The following ZNF582 variants were observed in gnomAD, a reference collection of about 807,000 sequenced individuals.
ZNF582 encodes zinc finger protein 582.
ZNF582 carries 14 observed loss-of-function variants against 12.3 expected under a neutral mutation model. The ratio of observed to expected loss-of-function variants is 1.14; its 90% CI spans 0.75 to 1.78. The LOEUF (loss-of-function observed/expected upper bound fraction) is 1.78. ZNF582 is among the 40% of genes most tolerant of loss of function. The pLI is 0.00. For synonymous variants in ZNF582, 210 were observed against 207.2 expected (o/e 1.01, Z -0.11); for missense variants, 567 against 616.5 (o/e 0.92, Z 0.85).
intron 3 of ZNF582, 84 bp downstream of exon 3, chr19:56,390,291 A>G (rs2042004295): frequency 1.3e-6 from 2 of 1,595,694 alleles, no homozygotes; most frequent in African/African-American, 1.3e-5. Flanking sequence ...CCAACCAATC[A>G]TAAGACTGAA....
At chr19:56,391,500 T>C (rs953547306) in intron 2 of ZNF582, among the ~76,000 whole-genome samples, 1 of 152,192 alleles carries the variant, frequency 6.6e-6, no homozygotes, top group African/African-American at 2.4e-5. Flanking sequence ...AAGGATGCTC[T>C]CATTTCATAC....
In ZNF582 at chr19:56,383,878, T is replaced by G. The variant is rs759238498; in HGVS notation, c.1539A>C (p.Glu513Asp). 1 of 1,578,130 alleles carries G rather than the reference T, an allele frequency of 6.3e-7. No homozygotes were observed. The highest frequency in any genetic ancestry group is 1.8e-5 in the Admixed American group (1 of 54,432). The change falls in exon 5 of 5, where the codon GAA (glutamate) becomes GAC (aspartate). Residue 513 changes from glutamate (E) to aspartate (D), a missense_variant. By Grantham distance (45) the Glu-to-Asp change is conservative. Transcript: ENST00000586929. ...CACAATTAGCCTAGGCTAATGGGCT[T>G]TCCCCATTACTTCCATTCATATGGT... is the stretch of plus-strand genomic sequence containing the variant.
At chr19:56,389,464 G>A (rs943242662) in intron 4 of ZNF582, among the ~76,000 whole-genome samples, 14 of 152,250 alleles carry the variant, frequency 9.2e-5, no homozygotes, top group Admixed American at 3.9e-4. Context: ...TTATAAGTGG[G>A]AGCTAAATGA....
exon 5 of ZNF582, chr19:56,383,984 T>A: frequency 6.2e-7 from 1 of 1,613,994 alleles, no homozygotes; most frequent in Admixed American, 1.7e-5. Context: ...TATATTCACA[T>A]GTGTTTCTCT....
At chr19:56,389,958 A>T in intron 4 of ZNF582, 43 bp downstream of exon 4, 1 of 1,535,212 alleles carries the variant, frequency 6.5e-7, no homozygotes, top group Non-Finnish European at 9.0e-7. Flanking sequence ...AGCGGACCTG[A>T]TACCTGCAGT....
chr19:56,391,759 T>C (rs2042015613), exon 2 of ZNF582: 1 of 1,614,156 alleles, frequency 6.2e-7, no homozygotes, highest in Non-Finnish European at 8.5e-7. Flanking sequence ...ACATGACTTT[T>C]AGAATTTCAA....
exon 5 of ZNF582, chr19:56,382,838 G>C (rs1445020010): frequency 6.6e-6 from 1 of 152,154 alleles, no homozygotes; most frequent in Non-Finnish European, 1.5e-5. Flanking sequence ...AGTCTTCTCA[G>C]GCTCTGGGTC....
chr19:56,384,060 AT>A lies in ZNF582; in HGVS notation c.1356del (p.Glu452AspfsTer9). On this transcript the variant is annotated frameshift_variant, in exon 5 of 5. Coordinates refer to ENST00000586929, the Ensembl canonical transcript of ZNF582. LOFTEE classifies it low-confidence loss of function (END_TRUNC). ...CTCAAGGTCTTCTCACATTCCTTAT[AT>A]TCATAGGGCTTTTTCTCAGTGTGAA... 1 of 1,611,560 alleles carries A rather than the reference AT, an allele frequency of 6.2e-7. No individual in the cohort carries two copies.
At chr19:56,383,852 T>A in exon 5 of ZNF582, 1 of 1,529,740 alleles carries the variant, frequency 6.5e-7, no homozygotes, top group African/African-American at 1.4e-5. Flanking sequence ...TAAGTCACAG[T>A]CACAATTAGC....
At chr19:56,387,745 G>A (rs1349158336) in intron 4 of ZNF582, 1 of 152,184 alleles carries the variant, frequency 6.6e-6, no homozygotes, top group Non-Finnish European at 1.5e-5. Flanking sequence ...CTACAGGCAT[G>A]AGTTATTACG....
intron 4 of ZNF582, chr19:56,387,497 AAC>A (rs1193344341): frequency 1.3e-5 from 2 of 152,238 alleles, no homozygotes; most frequent in East Asian, 1.9e-4. Context: ...TGGAGACAAA[AAC>A]ACAATCTGCA....
exon 1 of ZNF582, chr19:56,393,354 G>A (rs1261254926): frequency 9.1e-6 from 9 of 990,114 alleles, no homozygotes; most frequent in African/African-American, 1.7e-5. Context: ...CGAGACGTCT[G>A]CGTTCTTCTC....
At chr19:56,385,923 A>G (rs538055309) in intron 4 of ZNF582, among the ~76,000 whole-genome samples, 20 of 152,282 alleles carry the variant, frequency 1.3e-4, no homozygotes, top group African/African-American at 4.8e-4. Context: ...TTAATAGCAC[A>G]TTTTAAAAAT....
At chr19:56,391,972 C>G in intron 1 of ZNF582, 140 bp from the exon 2 acceptor site, 1 of 658,374 alleles carries the variant, frequency 1.5e-6, no homozygotes, top group African/African-American at 1.8e-5. Context: ...CCTCACCCAA[C>G]CCCAGGAAAC....
exon 1 of ZNF582, chr19:56,393,450 T>G: frequency 1.9e-6 from 1 of 527,576 alleles, no homozygotes; most frequent in Non-Finnish European, 3.7e-6. Flanking sequence ...ACCTGCCGCC[T>G]CCTCGGGTCC....
chr19:56,390,584 A>T (rs1182346300), intron 2 of ZNF582, 83 bp from the exon 3 acceptor site: 10 of 1,461,834 alleles, frequency 6.8e-6, no homozygotes, highest in Admixed American at 1.8e-5. Flanking sequence ...TCTTTGCGGG[A>T]GGGGGGGTTG....
At chr19:56,390,540 T>C in intron 2 of ZNF582, 39 bp from the exon 3 acceptor site, 1 of 1,609,516 alleles carries the variant, frequency 6.2e-7, no homozygotes, top group South Asian at 1.1e-5. Flanking sequence ...TGTATTTCAA[T>C]GGTTCACAGT....
intron 4 of ZNF582, among the ~76,000 whole-genome samples, chr19:56,388,976 T>C (rs577903720): frequency 3.9e-5 from 6 of 152,156 alleles, no homozygotes; most frequent in African/African-American, 1.4e-4. Flanking sequence ...GGGCCATCCA[T>C]TATCTCAGAG....
At chr19:56,387,131 G>A (rs1348162244) in intron 4 of ZNF582, among the ~76,000 whole-genome samples, 3 of 152,190 alleles carry the variant, frequency 2.0e-5, no homozygotes, top group African/African-American at 4.8e-5. Flanking sequence ...TATGAGTGCT[G>A]TATTTTGTGC....
Sources: allele counts gnomAD v4.1 joint callset (sites outside exome capture counted in the v4.1 genomes callset), GRCh38; gene constraint gnomAD v4.1.1; transcripts MANE v1.5; gene names NCBI Gene and HGNC (gene_info 2026-07-23, HGNC 2026-07-21).